Variants in IRAG1 observed in about 807,000 individuals in gnomAD.
IRAG1 encodes inositol 1,4,5-triphosphate receptor associated 1.
In IRAG1, 62 loss-of-function variants were observed where a neutral mutation model predicts 106.2. The ratio of observed to expected loss-of-function variants is 0.58; its 90% confidence interval spans 0.48 to 0.72. The LOEUF is 0.72. Ranked by LOEUF, IRAG1 falls within the 30% of genes least tolerant of loss-of-function variation. The pLI is 0.00. For missense variants in IRAG1, 1,064 were observed against 1,140.7 expected (o/e 0.93, Z 0.97); for synonymous variants, 462 against 443.9 (o/e 1.04, Z -0.51).
At chr11:10,651,725 A>T (rs1490537932) in intron 2 of IRAG1, among the ~76,000 whole-genome samples, 1 of 152,200 alleles carries the variant, frequency 6.6e-6, no homozygotes, top group Admixed American at 6.5e-5. Flanking sequence ...TTCTCATATA[A>T]GTCCTTCTCC....
At chr11:10,602,908 G>A (rs1479510444) in intron 14 of IRAG1, among the ~76,000 whole-genome samples, 1 of 152,140 alleles carries the variant, frequency 6.6e-6, no homozygotes, top group African/African-American at 2.4e-5. Flanking sequence ...CCCCAAACTT[G>A]TGCGTCCACA....
At chr11:10,679,292 C>G (rs1326120227) in intron 1 of IRAG1, among the ~76,000 whole-genome samples, 1 of 152,182 alleles carries the variant, frequency 6.6e-6, no homozygotes, top group Non-Finnish European at 1.5e-5. Context: ...CCACCCTTAT[C>G]TAGTTCCAGA....
intron 1 of IRAG1, among the ~76,000 whole-genome samples, chr11:10,653,612 C>A (rs1050340435): frequency 6.6e-6 from 1 of 151,708 alleles, no homozygotes; most frequent in East Asian, 1.9e-4. Flanking sequence ...CTCACTTTGC[C>A]ACTCACTGGC....
intron 2 of IRAG1, among the ~76,000 whole-genome samples, chr11:10,649,463 A>G (rs1181390067): frequency 6.6e-6 from 1 of 152,226 alleles, no homozygotes; most frequent in Non-Finnish European, 1.5e-5. Flanking sequence ...CCAGCAGCAC[A>G]GCAAAGTTAA....
chr11:10,585,113 T>C (rs1424546794), intron 18 of IRAG1, among the ~76,000 whole-genome samples: 1 of 152,146 alleles, frequency 6.6e-6, no homozygotes, highest in African/African-American at 2.4e-5. Flanking sequence ...CTTTCTCAGG[T>C]GCATGTCTAT....
chr11:10,649,072 C>A (rs1055658503), intron 2 of IRAG1, among the ~76,000 whole-genome samples: 2 of 152,198 alleles, frequency 1.3e-5, no homozygotes, highest in Admixed American at 1.3e-4. Context: ...ACCCCGCTTC[C>A]TTGGCTGCCT....
At chr11:10,608,968 A>G (rs912259506) in intron 11 of IRAG1, among the ~76,000 whole-genome samples, 6 of 152,196 alleles carry the variant, frequency 3.9e-5, no homozygotes, top group African/African-American at 9.7e-5. Context: ...ATTTAGGTCT[A>G]TGATCCATTA....
At chr11:10,611,522 A>C (rs1160098642) in intron 10 of IRAG1, 1 of 152,228 alleles carries the variant, frequency 6.6e-6, no homozygotes, top group Non-Finnish European at 1.5e-5. Flanking sequence ...GTAATGCCAG[A>C]ATTGGTGGAT....
At chr11:10,616,555 C>T (rs1322258899) in intron 10 of IRAG1, among the ~76,000 whole-genome samples, 1 of 152,108 alleles carries the variant, frequency 6.6e-6, no homozygotes, top group Admixed American at 6.5e-5. Context: ...CAAAAAACTA[C>T]CTCAGTAACT....
chr11:10,624,940 G>C (rs1046458982), intron 9 of IRAG1, among the ~76,000 whole-genome samples: 17 of 152,218 alleles, frequency 1.1e-4, no homozygotes, highest in Admixed American at 1.0e-3. Context: ...ATCCGGGACT[G>C]TGGCAACTCC....
chr11:10,620,997 T>C (rs1296289701), intron 10 of IRAG1, among the ~76,000 whole-genome samples: 5 of 152,168 alleles, frequency 3.3e-5, no homozygotes, highest in African/African-American at 7.2e-5. Context: ...AGAAGCTGTA[T>C]CTATTCATCA....
intron 3 of IRAG1, among the ~76,000 whole-genome samples, chr11:10,633,221 C>G (rs573885471): frequency 6.6e-6 from 1 of 151,912 alleles, no homozygotes; most frequent in South Asian, 2.1e-4. Context: ...ACTACAGGCG[C>G]CCGCCACCAC....
chr11:10,586,490 A>T (rs147459057), intron 18 of IRAG1, among the ~76,000 whole-genome samples: 2,009 of 148,254 alleles, frequency 0.014, 53 homozygotes, highest in African/African-American at 0.048. Context: ...TGATCTGGGC[A>T]CACTGCAACC....
intron 20 of IRAG1, 58 bp from the exon 21 acceptor site, chr11:10,576,633 C>T (rs1213104247): frequency 6.3e-7 from 1 of 1,596,616 alleles, no homozygotes; most frequent in African/African-American, 1.3e-5. Flanking sequence ...ATATGATACA[C>T]AGACCCACAG....
chr11:10,603,806 C>T (rs1486067633), intron 13 of IRAG1, among the ~76,000 whole-genome samples: 1 of 152,178 alleles, frequency 6.6e-6, no homozygotes, highest in Non-Finnish European at 1.5e-5. Flanking sequence ...GAGTTCTGTT[C>T]TCTTTCCACC....
At position 10,575,960 on chromosome 11, in the gene IRAG1, T is replaced by A. The variant is rs1591523701; in HGVS notation, c.*372A>T. 1 of 223,606 alleles carries A rather than the reference T, an allele frequency of 4.5e-6. No individual in the cohort carries two copies. The highest frequency in any genetic ancestry group is 5.0e-5 in the Admixed American group (1 of 20,072). The allele number at this position is 223,606 out of a possible 1,614,324, so 13.9% of individuals were successfully genotyped here. Reference sequence around the variant, plus strand: ...TACAGAGAGGAAAAAAGAGAGTAAGTTTTTTACTGCCCCCTACCTCCTCCT... The same window carrying A: ...TACAGAGAGGAAAAAAGAGAGTAAGATTTTTACTGCCCCCTACCTCCTCCT... On this transcript the variant is annotated 3_prime_UTR_variant, in exon 21 of 21. Coordinates refer to ENST00000423302, the MANE Select transcript of IRAG1 (RefSeq NM_130385.4).
intron 2 of IRAG1, among the ~76,000 whole-genome samples, chr11:10,641,443 A>T: frequency 6.6e-6 from 1 of 152,196 alleles, no homozygotes; most frequent in East Asian, 1.9e-4. Flanking sequence ...CATAAGCCCA[A>T]GTGATCAAGG....
chr11:10,607,750 C>T (rs1854598821), intron 11 of IRAG1, among the ~76,000 whole-genome samples: 1 of 152,142 alleles, frequency 6.6e-6, no homozygotes, highest in South Asian at 2.1e-4. Context: ...GGTCAGCCAT[C>T]TCTGCAGGGG....
intron 1 of IRAG1, among the ~76,000 whole-genome samples, chr11:10,681,580 G>C (rs1861263245): frequency 6.6e-6 from 1 of 152,184 alleles, no homozygotes; most frequent in Non-Finnish European, 1.5e-5. Flanking sequence ...CTATTGGGAT[G>C]AATCACTGGG....
Sources: gnomAD v4.1 joint callset for allele counts (sites outside exome capture counted in the v4.1 genomes callset) on GRCh38, gnomAD v4.1.1 for gene constraint, MANE v1.5 for transcripts, NCBI Gene and HGNC (gene_info 2026-07-23, HGNC 2026-07-21) for gene names.